The following NUDT19 variants were observed in gnomAD, a reference collection of about 807,000 sequenced individuals.
NUDT19 encodes the protein acyl-coenzyme A diphosphatase NUDT19.
A neutral mutation model predicts 22.2 loss-of-function variants in NUDT19; 31 were observed. That is an observed-to-expected ratio of 1.40 (90% CI 1.05 to 1.89). The LOEUF (loss-of-function observed/expected upper bound fraction) is 1.89. NUDT19 is among the 40% of genes most tolerant of loss of function. The pLI is 0.00. For missense variants in NUDT19, 752 were observed against 514.2 expected (o/e 1.46, Z -4.47); for synonymous variants, 325 against 230.8 (o/e 1.41, Z -3.70).
Position 32,712,112 on chromosome 19 carries a change from T to C in NUDT19, c.*155T>C, listed in dbSNP as rs1401740905. On this transcript the variant is annotated 3_prime_UTR_variant, in exon 3 of 3. Transcript: ENST00000397061. ...TTTTTCGAGACAGAGTCTCAATCTG[T>C]CGCCCAGGCTGGAGTGCAGTGGCAT... 1.6e-6 allele frequency: 1 copy of C among 616,652 alleles called. No homozygotes were observed. The highest frequency in any genetic ancestry group is 1.8e-5 in the African/African-American group (1 of 54,178). The allele number at this position is 616,652 out of a possible 1,614,324, so 38.2% of individuals were successfully genotyped here. A position where few individuals can be genotyped will look rare whatever the true frequency, so the allele number is the denominator to read the frequency against.
In NUDT19 at chr19:32,692,113, G is replaced by A. The variant is rs1357790960; in HGVS notation, c.153G>A (p.Pro51=). The A allele has an allele frequency of 1.7e-5, 24 of 1,428,170 alleles. No individual in the cohort carries two copies. Among genetic ancestry groups the A allele is most frequent in the South Asian group, 2.9e-5 (2 of 68,940 alleles). 88.5% of individuals were successfully genotyped at this position (1,428,170 alleles called of 1,614,324 possible). A position where few individuals can be genotyped will look rare whatever the true frequency, so the allele number is the denominator to read the frequency against. Residue 51 remains proline (P), a synonymous_variant, in exon 1 of 3, where the codon CCG becomes CCA. Coordinates refer to ENST00000397061, the MANE Select transcript of NUDT19 (RefSeq NM_001105570.2). ...GGCTGCTGCTGCTGCAGCGCTCCCC[G>A]CACCAAGGCTTCATGCCGGGCGCGC... ...GFRLLLLQRS[P]HQGFMPGAHV...
chr19:32,698,985 CCA>C (rs949352477), intron 1 of NUDT19, among the ~76,000 whole-genome samples: 3 of 152,082 alleles, frequency 2.0e-5, no homozygotes, highest in Non-Finnish European at 2.9e-5. Context: ...CCTTTTATCC[CCA>C]GTTATATGAA....
chr19:32,708,193 C>T (rs755361904), intron 1 of NUDT19, among the ~76,000 whole-genome samples: 11 of 149,304 alleles, frequency 7.4e-5, no homozygotes, highest in South Asian at 4.2e-4. Flanking sequence ...TTTGGGAGGC[C>T]GAGGCGGGTG....
At chr19:32,707,248 G>A (rs1009879708) in intron 1 of NUDT19, among the ~76,000 whole-genome samples, 1 of 152,144 alleles carries the variant, frequency 6.6e-6, no homozygotes, top group Non-Finnish European at 1.5e-5. Flanking sequence ...CGGTTGCCTT[G>A]GAAATAACAT....
Position 32,692,048 on chromosome 19 carries a change from G to T in NUDT19, c.88G>T (p.Ala30Ser). 1 of 1,285,310 alleles carries T rather than the reference G, an allele frequency of 7.8e-7. No individual in the cohort carries two copies. Among genetic ancestry groups the T allele is most frequent in the Non-Finnish European group, 9.8e-7 (1 of 1,021,296 alleles). 79.6% of individuals were successfully genotyped at this position (1,285,310 alleles called of 1,614,324 possible). ...LAAGWSRPET[A>S]TPPSRPPPAE... ...GGCTGGCTGGTCGCGCCCGGAGACC[G>T]CCACCCCGCCGTCGCGCCCGCCGCC... The change falls in exon 1 of 3, where the codon GCC (alanine) becomes TCC (serine). Residue 30 changes from alanine to serine, a missense_variant. By Grantham distance (99) the Ala-to-Ser change is moderately conservative. Coordinates refer to ENST00000397061, the MANE Select transcript of NUDT19 (RefSeq NM_001105570.2).
intron 1 of NUDT19, among the ~76,000 whole-genome samples, chr19:32,694,798 G>A (rs1968244380): frequency 6.6e-6 from 1 of 152,192 alleles, no homozygotes. Flanking sequence ...TCCTGATTCT[G>A]TAAGTACTTT....
intron 1 of NUDT19, among the ~76,000 whole-genome samples, chr19:32,701,838 A>G (rs1338450184): frequency 6.6e-6 from 1 of 152,138 alleles, no homozygotes; most frequent in Non-Finnish European, 1.5e-5. Flanking sequence ...CTTTTAAACT[A>G]TCTGTGTCTT....
chr19:32,695,022 G>A (rs534809522), intron 1 of NUDT19, among the ~76,000 whole-genome samples: 98 of 152,292 alleles, frequency 6.4e-4, no homozygotes, highest in Admixed American at 1.5e-3. Context: ...CCCCTGTTAG[G>A]AACCTGCTGG....
intron 1 of NUDT19, among the ~76,000 whole-genome samples, chr19:32,697,646 T>C (rs1968280421): frequency 1.3e-5 from 2 of 152,188 alleles, no homozygotes; most frequent in Admixed American, 6.5e-5. Flanking sequence ...GTCCCTTTCT[T>C]CAACTGTCAT....
At position 32,711,963 on chromosome 19, in the gene NUDT19, T is replaced by C; in HGVS notation, c.*6T>C. On this transcript the variant is annotated 3_prime_UTR_variant, in exon 3 of 3. Coordinates refer to ENST00000397061, the MANE Select transcript of NUDT19 (RefSeq NM_001105570.2). ...TAAGAAAAAGCCATTTGTAGGGTGC[T>C]TAAGCTTGTTTGTAAAATGGCCTAC... 1 of 1,592,582 alleles carries C rather than the reference T, an allele frequency of 6.3e-7. No homozygotes were observed. Among genetic ancestry groups the C allele is most frequent in the Non-Finnish European group, 8.6e-7 (1 of 1,161,552 alleles).
In NUDT19 at chr19:32,693,268, C is replaced by T. The variant is rs146853257; in HGVS notation, c.714+594C>T. Among the ~76,000 whole-genome samples, 777 of 152,236 alleles carry T rather than the reference C, an allele frequency of 5.1e-3. 6 individuals are homozygous for T. The highest frequency in any genetic ancestry group is 0.018 in the African/African-American group (752 of 41,544). On this transcript the variant is annotated intron_variant, in intron 1 of 2. Transcript: ENST00000397061. ...TGGAGTTTCTTCCTTCTGGTAGGTT[C>T]GTGGTCTCGCTGACTTCAGGATTGA...
rs180806972 is a variant in NUDT19, at chr19:32,692,774, C to T, written c.714+100C>T. The T allele has an allele frequency of 2.9e-4, 244 of 835,350 alleles. 1 individual carries two copies. The East Asian group carries it at 7.7e-3, about 27-fold the overall frequency. The allele number at this position is 835,350 out of a possible 1,614,324, so 51.7% of individuals were successfully genotyped here. On this transcript the variant is annotated intron_variant, in intron 1 of 2. Coordinates refer to ENST00000397061, the MANE Select transcript of NUDT19 (RefSeq NM_001105570.2). The stretch of plus-strand genomic sequence containing the variant: ...CCAAGGGACCCCCGCATAGGCCAAG[C>T]CCAGAGAGATTAAGCAGCAAGGAAC...
chr19:32,701,515 A>G lies in NUDT19; in HGVS notation c.715-7670A>G, dbSNP rs570445654. On this transcript the variant is annotated intron_variant, in intron 1 of 2. Transcript: ENST00000397061. ...GCCTGGCCAGTCTTGCAAGTCTTCT[A>G]TATCATTTCCTTGTTTCATCAGGTG... Among the ~76,000 whole-genome samples, 9 of 152,252 alleles carry G rather than the reference A, an allele frequency of 5.9e-5. No individual in the cohort carries two copies. In the East Asian group the frequency reaches 7.7e-4, roughly 13 times the overall value.
intron 1 of NUDT19, among the ~76,000 whole-genome samples, chr19:32,699,709 T>A (rs1045287218): frequency 2.0e-5 from 3 of 152,208 alleles, no homozygotes; most frequent in Admixed American, 6.5e-5. Context: ...TAATAGTCCC[T>A]TCGTGGTCAC....
rs746151211 is a variant in NUDT19 at position 32,692,405 on chromosome 19, G to T, written c.445G>T (p.Gly149Cys). 2 of 1,571,696 alleles carry T rather than the reference G, an allele frequency of 1.3e-6. No individual in the cohort carries two copies. Among genetic ancestry groups the T allele is most frequent in the South Asian group, 2.3e-5 (2 of 88,482 alleles). ...LLLRPRTSPP[G>C]PAPGPGLALE... ...GCTGCGGCCCAGGACTTCCCCACCA[G>T]GCCCAGCACCCGGGCCTGGCCTCGC... Residue 149 changes from glycine (G) to cysteine (C), a missense_variant, in exon 1 of 3, where the codon GGC (glycine) becomes TGC (cysteine). Coordinates refer to ENST00000397061, the MANE Select transcript of NUDT19 (RefSeq NM_001105570.2).
rs190504210 is a variant in NUDT19, at chr19:32,693,456, G to A, written c.714+782G>A. On this transcript the variant is annotated intron_variant, in intron 1 of 2. Coordinates refer to ENST00000397061, the MANE Select transcript of NUDT19 (RefSeq NM_001105570.2). ...TAAAGGTAGTGCGGACCCAAGGAGT[G>A]AGCAGCAGCAAGATTTATTGCAAAG... 1.1e-4 allele frequency among the ~76,000 whole-genome samples: 17 copies of A among 152,342 alleles called. No homozygotes were observed. In the East Asian group the frequency reaches 2.5e-3, roughly 22 times the overall value.
Position 32,692,660 on chromosome 19 carries a change from G to A in NUDT19, c.700G>A (p.Val234Met), listed in dbSNP as rs767812876. 2.6e-6 allele frequency: 4 copies of A among 1,511,346 alleles called. No homozygotes were observed. In the Admixed American group the frequency reaches 8.5e-5, roughly 32 times the overall value. 93.6% of individuals were successfully genotyped at this position (1,511,346 alleles called of 1,614,324 possible). The change falls in exon 1 of 3, where the codon GTG (valine) becomes ATG (methionine). Residue 234 changes from valine (V) to methionine (M), a missense_variant. Transcript: ENST00000397061. ...PPPVYPDLAE[V>M]VGYQWSSPSE... ...GCCCGTCTACCCCGACTTGGCGGAG[G>A]TGGTGGGCTACCAGGTAAGGCCTGC...
Position 32,692,196 on chromosome 19 carries a change from T to G in NUDT19, c.236T>G (p.Leu79Arg), listed in dbSNP as rs1568430528. 5 of 1,571,764 alleles carry G rather than the reference T, an allele frequency of 3.2e-6. No individual in the cohort carries two copies. The highest frequency in any genetic ancestry group is 4.3e-6 in the Non-Finnish European group (5 of 1,168,982). ...GACCGCTCGGCGGACTGGCTGGGCC[T>G]CTTCGCGCCGCACCACGGGCCGCCG... ...AADRSADWLG[L>R]FAPHHGPPRF... The change falls in exon 1 of 3, where the codon CTC becomes CGC. Residue 79 changes from leucine to arginine, a missense_variant. Coordinates refer to ENST00000397061, the MANE Select transcript of NUDT19 (RefSeq NM_001105570.2).
At chr19:32,700,490 C>A (rs551851835) in intron 1 of NUDT19, among the ~76,000 whole-genome samples, 5 of 152,178 alleles carry the variant, frequency 3.3e-5, no homozygotes, top group African/African-American at 4.8e-5. Context: ...AGTCCCCACT[C>A]GACCCAGGAA....
Sources: allele counts gnomAD v4.1 joint callset (sites outside exome capture counted in the v4.1 genomes callset), GRCh38; gene constraint gnomAD v4.1.1; transcripts MANE v1.5; gene names NCBI Gene and HGNC (gene_info 2026-07-23, HGNC 2026-07-21).